EDC4: variants seen among roughly 807,000 people sequenced by gnomAD.
The protein encoded by EDC4 is enhancer of mRNA decapping 4.
A neutral mutation model predicts 155.8 loss-of-function variants in EDC4; 64 were observed. The ratio of observed to expected loss-of-function variants is 0.41; its 90% CI spans 0.34 to 0.51. The LOEUF is 0.51. Ranked by LOEUF, EDC4 falls within the 20% of genes least tolerant of loss-of-function variation. The probability of loss-of-function intolerance (pLI) is 0.19; values close to 1 mark genes in which losing one functional copy is unlikely to be tolerated. For synonymous variants in EDC4, 684 were observed against 716.8 expected, an observed-to-expected ratio of 0.95 and a Z score of 0.73; for missense variants, 1,303 against 1,812.5, an observed-to-expected ratio of 0.72 and a Z score of 5.10.
In EDC4 at chr16:67,882,311, A is replaced by G. The variant is rs145012717; in HGVS notation, c.3260A>G (p.Lys1087Arg). The change falls in exon 24 of 29, where the codon AAG becomes AGG. Residue 1087 changes from lysine to arginine, a missense_variant. Transcript: ENST00000358933. This position sits in a 1 kb window ranked among gnomAD's most constrained non-coding sequence, Gnocchi z 7.2. ...VEGSMKENISKLLKSKNLTDA... is the reference protein window; with the variant it reads ...VEGSMKENISRLLKSKNLTDA... ...GGCAGCATGAAAGAGAACATCTCCA[A>G]GCTGCTCAAGTCCAAGGTGCTATAG... 2.5e-6 allele frequency: 4 copies of G among 1,613,520 alleles called. No homozygotes were observed. The highest frequency in any genetic ancestry group is 2.2e-5 in the South Asian group (2 of 91,004).
chr16:67,881,261 A>C lies in EDC4; in HGVS notation c.2637-4A>C, dbSNP rs1313191654. 5 of 1,613,920 alleles carry C rather than the reference A, an allele frequency of 3.1e-6. No homozygotes were observed. The Admixed American group carries it at 8.3e-5, about 27-fold the overall frequency. On this transcript the variant is annotated splice_region_variant and splice_polypyrimidine_tract_variant and intron_variant, in intron 19 of 28. Transcript: ENST00000358933. The surrounding 1 kb of genome is among the most constrained non-coding windows in gnomAD (Gnocchi z 5.4). ...GGGCTTACTCCTCCTTCCCCTTCCC[A>C]CAGTGACCATGATGATGAGGTGGCC... is the stretch of plus-strand genomic sequence containing the variant.
chr16:67,879,177 T>C lies in EDC4; in HGVS notation c.1468+40T>C. 1 of 1,614,154 alleles carries C rather than the reference T, an allele frequency of 6.2e-7. No individual in the cohort carries two copies. The highest frequency in any genetic ancestry group is 1.1e-5 in the South Asian group (1 of 91,088). ...GGTCAGAGCTATGTGTCCATATATCTAGGGGGTTGTGGAGGCACAGAGAGG... is the reference window on the plus strand; with the variant it reads ...GGTCAGAGCTATGTGTCCATATATCCAGGGGGTTGTGGAGGCACAGAGAGG... On this transcript the variant is annotated intron_variant, in intron 12 of 28. Coordinates refer to ENST00000358933, the MANE Select transcript of EDC4 (RefSeq NM_014329.5). The surrounding 1 kb of genome is among the most constrained non-coding windows in gnomAD (Gnocchi z 6.0).
Position 67,880,560 on chromosome 16 carries a change from C to T in EDC4, c.2101C>T (p.Pro701Ser). ...KLTPKGPGQV[P>S]TATSALSLEL... is the part of the protein sequence containing the mutation. ...CCCCATCTTTGGCCCACCTCAGGTG[C>T]CTACTGCCACCTCTGCACTGTCCCT... Residue 701 changes from proline to serine, a missense_variant, in exon 18 of 29, where the codon CCT becomes TCT. By Grantham distance (74) the Pro-to-Ser change is moderately conservative. Transcript: ENST00000358933. This position sits in a 1 kb window ranked among gnomAD's most constrained non-coding sequence, Gnocchi z 5.2. The T allele has an allele frequency of 1.9e-6, 3 of 1,612,642 alleles. No homozygotes were observed. Among genetic ancestry groups the T allele is most frequent in the Non-Finnish European group, 2.5e-6 (3 of 1,178,968 alleles).
rs771192856 is a variant in EDC4 at position 67,876,586 on chromosome 16, G to A, written c.338G>A (p.Arg113Gln). 2.5e-6 allele frequency: 4 copies of A among 1,613,992 alleles called. No homozygotes were observed. Among genetic ancestry groups the A allele is most frequent in the African/African-American group, 1.3e-5 (1 of 74,934 alleles). Residue 113 changes from arginine to glutamine, a missense_variant, in exon 3 of 29, where the codon CGG (arginine) becomes CAG (glutamine). Coordinates refer to ENST00000358933, the MANE Select transcript of EDC4 (RefSeq NM_014329.5). The surrounding 1 kb of genome is among the most constrained non-coding windows in gnomAD (Gnocchi z 5.8). The part of the protein sequence containing the change: ...SSDSSISSKA[R>Q]GSNKVKIQPV... ...GACTCTAGCATTTCAAGCAAGGCCC[G>A]GGGAAGCAACAAGGTAGGTACTGGG...
chr16:67,877,180 G>A lies in EDC4; in HGVS notation c.452-37G>A. On this transcript the variant is annotated intron_variant, in intron 4 of 28. Coordinates refer to ENST00000358933, the MANE Select transcript of EDC4 (RefSeq NM_014329.5). The surrounding 1 kb of genome is among the most constrained non-coding windows in gnomAD (Gnocchi z 4.9). ...GCTTCTCTGCTACTGCCTGAGCCTGGATACGTATTCATGGTCCACTGCTCT... is the reference window on the plus strand; with the variant it reads ...GCTTCTCTGCTACTGCCTGAGCCTGAATACGTATTCATGGTCCACTGCTCT... 6.3e-7 allele frequency: 1 copy of A among 1,589,678 alleles called. No homozygotes were observed. Among genetic ancestry groups the A allele is most frequent in the East Asian group, 2.2e-5 (1 of 44,572 alleles).
At position 67,881,973 on chromosome 16, in the gene EDC4, A is replaced by G; in HGVS notation, c.3024A>G (p.Ala1008=). The G allele has an allele frequency of 6.2e-7, 1 of 1,608,706 alleles. No individual in the cohort carries two copies. The highest frequency in any genetic ancestry group is 8.5e-7 in the Non-Finnish European group (1 of 1,177,514). ...HEQEQRRLER[A]LAEGQQRGGQ... ...GCGCAGAGCGGCGGCTGGAGCGAGCACTGGCTGAGGGGCAGCAGCGGGGAG... is the reference window on the plus strand; with the variant it reads ...GCGCAGAGCGGCGGCTGGAGCGAGCGCTGGCTGAGGGGCAGCAGCGGGGAG... Residue 1008 remains alanine (A), a synonymous_variant, in exon 23 of 29, where the codon GCA becomes GCG. Coordinates refer to ENST00000358933, the MANE Select transcript of EDC4 (RefSeq NM_014329.5). The surrounding 1 kb of genome is among the most constrained non-coding windows in gnomAD (Gnocchi z 5.4).
chr16:67,873,737 G>A (rs936157841), intron 1 of EDC4, among the ~76,000 whole-genome samples: 1 of 152,282 alleles, frequency 6.6e-6, no homozygotes, highest in East Asian at 1.9e-4. Flanking sequence ...GCGCGATGCT[G>A]AAGAGCTGCC....
Position 67,884,439 on chromosome 16 carries a change from T to C in EDC4, c.*291T>C, listed in dbSNP as rs917709363. 5.7e-6 allele frequency: 3 copies of C among 524,330 alleles called. No individual in the cohort carries two copies. The African/African-American group carries it at 5.8e-5, about 10-fold the overall frequency. The allele number at this position is 524,330 out of a possible 1,614,324, so 32.5% of individuals were successfully genotyped here. A position where few individuals can be genotyped will look rare whatever the true frequency, so the allele number is the denominator to read the frequency against. ...TTTCCATGTTCCTTTTTACCTCTAA[T>C]TTGGATCTTTTTGTTTTTGAAAAAC... On this transcript the variant is annotated 3_prime_UTR_variant, in exon 29 of 29. Coordinates refer to ENST00000358933, the MANE Select transcript of EDC4 (RefSeq NM_014329.5). The surrounding 1 kb of genome is among the most constrained non-coding windows in gnomAD (Gnocchi z 4.1).
Position 67,881,560 on chromosome 16 carries a change from T to G in EDC4, c.2826+27T>G, listed in dbSNP as rs1413126075. 1 of 1,611,262 alleles carries G rather than the reference T, an allele frequency of 6.2e-7. No homozygotes were observed. Among genetic ancestry groups the G allele is most frequent in the African/African-American group, 1.4e-5 (1 of 72,900 alleles). ...TAAGTGAATGAGCCCACTTTGTACTTGTGGAACTTCACCCTGGGCGGGTGG... is the reference window on the plus strand; with the variant it reads ...TAAGTGAATGAGCCCACTTTGTACTGGTGGAACTTCACCCTGGGCGGGTGG... On this transcript the variant is annotated intron_variant, in intron 21 of 28. Transcript: ENST00000358933. This position sits in a 1 kb window ranked among gnomAD's most constrained non-coding sequence, Gnocchi z 5.4.
In EDC4 at chr16:67,879,036, C is replaced by T; in HGVS notation, c.1367C>T (p.Thr456Ile). 6.2e-7 allele frequency: 1 copy of T among 1,612,880 alleles called. No homozygotes were observed. The highest frequency in any genetic ancestry group is 8.5e-7 in the Non-Finnish European group (1 of 1,179,984). Residue 456 changes from threonine (T) to isoleucine (I), a missense_variant, in exon 12 of 29, where the codon ACC becomes ATC. Around this residue, in one of 5 missense-constraint regions of EDC4, gnomAD observed 235 missense variants for 367.7 expected, o/e 0.64. Coordinates refer to ENST00000358933, the MANE Select transcript of EDC4 (RefSeq NM_014329.5). The surrounding 1 kb of genome is among the most constrained non-coding windows in gnomAD (Gnocchi z 6.0). ...CFSSISEFLL[T>I]HPVLSFGIQV... The stretch of plus-strand genomic sequence containing the variant: ...AGCTCCATCTCGGAGTTCCTGCTCA[C>T]CCACCCTGTGCTGAGCTTTGGTATC...
Position 67,880,495 on chromosome 16 carries a change from C to G in EDC4, c.2098-62C>G, listed in dbSNP as rs768033542. On this transcript the variant is annotated intron_variant, in intron 17 of 28. Transcript: ENST00000358933. The surrounding 1 kb of genome is among the most constrained non-coding windows in gnomAD (Gnocchi z 5.2). ...TACTGCTAATACTAATGCCTCGTCT[C>G]TGTGCCCCCCATCTCTGCCTCACTT... The G allele has an allele frequency of 1.3e-6, 2 of 1,577,388 alleles. No individual in the cohort carries two copies. Among genetic ancestry groups the G allele is most frequent in the Admixed American group, 3.4e-5 (2 of 58,504 alleles).
In EDC4 at chr16:67,883,947, C is replaced by T. The variant is rs376565425; in HGVS notation, c.4014-9C>T. ...CACCTGTAGCCTGTCCTTTCCCCCC[C>T]ATCCCCAGCTACCTGGAAGAGGCCG... On this transcript the variant is annotated splice_polypyrimidine_tract_variant and intron_variant, in intron 28 of 28. Coordinates refer to ENST00000358933, the MANE Select transcript of EDC4 (RefSeq NM_014329.5). This position sits in a 1 kb window ranked among gnomAD's most constrained non-coding sequence, Gnocchi z 5.3. 8.3e-5 allele frequency: 132 copies of T among 1,586,968 alleles called. No individual in the cohort carries two copies. In the African/African-American group the frequency reaches 1.6e-3, roughly 19 times the overall value.
chr16:67,877,521 G>T lies in EDC4; in HGVS notation c.654G>T (p.Leu218Phe), dbSNP rs868533974. 1.2e-6 allele frequency: 2 copies of T among 1,614,052 alleles called. No individual in the cohort carries two copies. The highest frequency in any genetic ancestry group is 1.3e-5 in the African/African-American group (1 of 74,934). ...ACACCCTGCTCAGAGAAGAGATCTTGGTCCATATTCGGCAGCCAGAGGGCA... is the reference window on the plus strand; with the variant it reads ...ACACCCTGCTCAGAGAAGAGATCTTTGTCCATATTCGGCAGCCAGAGGGCA... Reference protein sequence around the residue: ...LVNGKIQEEILVHIRQPEGTP... With the variant: ...LVNGKIQEEIFVHIRQPEGTP... Residue 218 changes from leucine (L) to phenylalanine (F), a missense_variant, in exon 6 of 29, where the codon TTG (leucine) becomes TTT (phenylalanine). Physicochemically the swap from Leu to Phe is conservative, Grantham distance 22. Coordinates refer to ENST00000358933, the MANE Select transcript of EDC4 (RefSeq NM_014329.5). The surrounding 1 kb of genome is among the most constrained non-coding windows in gnomAD (Gnocchi z 4.9).
At position 67,880,675 on chromosome 16, in the gene EDC4, C is replaced by T. The variant is rs2058063426; in HGVS notation, c.2216C>T (p.Ala739Val). The stretch of plus-strand genomic sequence containing the variant: ...GATGTCATCTCCTCAGCTTCCACTG[C>T]CCTGTCCCAGGACATCCCTGAGATT... ...SPDVISSAST[A>V]LSQDIPEIAS... is the part of the protein sequence containing the mutation. Residue 739 changes from alanine (A) to valine (V), a missense_variant, in exon 18 of 29, where the codon GCC (alanine) becomes GTC (valine). This residue lies in a region of EDC4 where 391 missense variants were observed against 445.4 expected (regional missense o/e 0.88). Transcript: ENST00000358933. This position sits in a 1 kb window ranked among gnomAD's most constrained non-coding sequence, Gnocchi z 5.2. 2 of 1,614,086 alleles carry T rather than the reference C, an allele frequency of 1.2e-6. No individual in the cohort carries two copies. Among genetic ancestry groups the T allele is most frequent in the South Asian group, 1.1e-5 (1 of 91,096 alleles).
At position 67,883,205 on chromosome 16, in the gene EDC4, G is replaced by C; in HGVS notation, c.3849+28G>C. ...ACGATAGGCATTAGGCCCTGCTAAGGGTCACGTGTCTCTTGACAAGGCCCA... is the reference window on the plus strand; with the variant it reads ...ACGATAGGCATTAGGCCCTGCTAAGCGTCACGTGTCTCTTGACAAGGCCCA... On this transcript the variant is annotated intron_variant, in intron 27 of 28. Coordinates refer to ENST00000358933, the MANE Select transcript of EDC4 (RefSeq NM_014329.5). The surrounding 1 kb of genome is among the most constrained non-coding windows in gnomAD (Gnocchi z 5.3). 6.5e-7 allele frequency: 1 copy of C among 1,532,882 alleles called. No individual in the cohort carries two copies. Among genetic ancestry groups the C allele is most frequent in the East Asian group, 2.4e-5 (1 of 41,044 alleles). The allele number at this position is 1,532,882 out of a possible 1,614,324, so 95.0% of individuals were successfully genotyped here.
At position 67,879,082 on chromosome 16, in the gene EDC4, G is replaced by T. The variant is rs990248528; in HGVS notation, c.1413G>T (p.Arg471=). Residue 471 remains arginine (R), a synonymous_variant, in exon 12 of 29, where the codon CGG becomes CGT. Transcript: ENST00000358933. The surrounding 1 kb of genome is among the most constrained non-coding windows in gnomAD (Gnocchi z 6.0). ...SFGIQVVSRC[R]LRHTEVLPAE... is the part of the protein sequence containing the mutation. ...GTATCCAGGTTGTGAGTCGCTGCCGGCTACGGCACACTGAGGTGCTGCCTG... is the reference window on the plus strand; with the variant it reads ...GTATCCAGGTTGTGAGTCGCTGCCGTCTACGGCACACTGAGGTGCTGCCTG... 1.2e-6 allele frequency: 2 copies of T among 1,613,694 alleles called. No individual in the cohort carries two copies. The highest frequency in any genetic ancestry group is 2.7e-5 in the African/African-American group (2 of 74,950).
chr16:67,876,099 C>G lies in EDC4; in HGVS notation c.237C>G (p.Val79=). ...MPPINLQEKQ[V]ICLSGDDSST... ...CCATTAACCTGCAAGAGAAGCAGGT[C>G]ATGTGAGTACCTAGGAGACGACAAT... is the stretch of plus-strand genomic sequence containing the variant. Residue 79 remains valine, a splice_region_variant and synonymous_variant, in exon 2 of 29, where the codon GTC becomes GTG. Transcript: ENST00000358933. This position sits in a 1 kb window ranked among gnomAD's most constrained non-coding sequence, Gnocchi z 5.8. 6.2e-7 allele frequency: 1 copy of G among 1,613,850 alleles called. No individual in the cohort carries two copies. Among genetic ancestry groups the G allele is most frequent in the Non-Finnish European group, 8.5e-7 (1 of 1,179,802 alleles).
Position 67,877,779 on chromosome 16 carries a change from C to T in EDC4, c.828C>T (p.His276=), listed in dbSNP as rs377472776. 1.4e-4 allele frequency: 222 copies of T among 1,614,204 alleles called. No homozygotes were observed. Among genetic ancestry groups the T allele is most frequent in the Non-Finnish European group, 1.7e-4 (200 of 1,180,046 alleles). The change falls in exon 7 of 29, where the codon CAC becomes CAT. Residue 276 remains histidine, a synonymous_variant. Coordinates refer to ENST00000358933, the MANE Select transcript of EDC4 (RefSeq NM_014329.5). This position sits in a 1 kb window ranked among gnomAD's most constrained non-coding sequence, Gnocchi z 4.9. Reference sequence around the variant, plus strand: ...ACCTGGACATGCTCCGCTCCAGCCACAGTACCTGGCCTGTGGATGTTAGCC... The same window carrying T: ...ACCTGGACATGCTCCGCTCCAGCCATAGTACCTGGCCTGTGGATGTTAGCC... ...VWDLDMLRSS[H]STWPVDVSQI... is the part of the protein sequence containing the mutation.
chr16:67,878,010 A>G lies in EDC4; in HGVS notation c.895-156A>G. On this transcript the variant is annotated intron_variant, in intron 7 of 28. Coordinates refer to ENST00000358933, the MANE Select transcript of EDC4 (RefSeq NM_014329.5). The surrounding 1 kb of genome is among the most constrained non-coding windows in gnomAD (Gnocchi z 5.2). ...TGCAGCTTTCTCCTTATCTAGCAGC[A>G]CCCTGCAGGTCTGGCCTTCTCTAGG... 1 of 1,481,178 alleles carries G rather than the reference A, an allele frequency of 6.8e-7. No homozygotes were observed. Among genetic ancestry groups the G allele is most frequent in the Non-Finnish European group, 9.1e-7 (1 of 1,101,588 alleles). The allele number at this position is 1,481,178 out of a possible 1,614,324, so 91.8% of individuals were successfully genotyped here.
Sources: gnomAD v4.1 joint callset for allele counts (sites outside exome capture counted in the v4.1 genomes callset) on GRCh38, gnomAD v4.1.1 for gene constraint, gnomAD v4.1.1 regional missense constraint, Gnocchi (gnomAD v3.1) non-coding constraint, MANE v1.5 for transcripts, NCBI Gene and HGNC (gene_info 2026-07-23, HGNC 2026-07-21) for gene names.